Variants in PTK2B observed in about 807,000 individuals in gnomAD.
PTK2B encodes the protein protein tyrosine kinase 2 beta.
Under a neutral mutation model 142.9 loss-of-function variants are expected in PTK2B, and 71 were observed. That is an observed-to-expected ratio of 0.50 (90% CI 0.41 to 0.61). The LOEUF is 0.61. Among genes scored for constraint, PTK2B ranks in the 20% least tolerant of loss-of-function variants. The pLI is 0.00. For synonymous variants in PTK2B, 519 were observed against 503.4 expected (o/e 1.03, Z -0.42); for missense variants, 1,105 against 1,320.4 (o/e 0.84, Z 2.53).
At position 27,400,447 on chromosome 8, in the gene PTK2B, T is replaced by TAAA. The variant is rs61165579; in HGVS notation, c.204+2674_204+2676dup. Among the ~76,000 whole-genome samples, 9 of 136,776 alleles carry TAAA rather than the reference T, an allele frequency of 6.6e-5. No homozygotes were observed. The Admixed American group carries it at 6.7e-4, about 10-fold the overall frequency. The allele number at this position is 136,776 out of a possible 152,430, so 89.7% of individuals were successfully genotyped here. The stretch of plus-strand genomic sequence containing the variant: ...GACAGCAGAGAAAAAAGGATTGAAT[T>TAAA]AAAAAAAAAAAAAAAAACCTGGCCA... On this transcript the variant is annotated intron_variant, in intron 2 of 30. Transcript: ENST00000346049.
At chr8:27,353,573 A>G (rs1188081289) in intron 1 of PTK2B, among the ~76,000 whole-genome samples, 1 of 151,940 alleles carries the variant, frequency 6.6e-6, no homozygotes, top group East Asian at 1.9e-4. Context: ...ACACACACAC[A>G]TTGATCCTGT....
At chr8:27,443,855 G>A (rs1811307345) in intron 22 of PTK2B, among the ~76,000 whole-genome samples, 1 of 152,200 alleles carries the variant, frequency 6.6e-6, no homozygotes, top group African/African-American at 2.4e-5. Context: ...TGCAGCTTCT[G>A]TGAATGCCCA....
chr8:27,450,523 G>A (rs1421780227), intron 24 of PTK2B, among the ~76,000 whole-genome samples: 1 of 152,206 alleles, frequency 6.6e-6, no homozygotes, highest in Non-Finnish European at 1.5e-5. Context: ...TTGAGCAGTG[G>A]GTTCTTGGGT....
intron 1 of PTK2B, among the ~76,000 whole-genome samples, chr8:27,347,430 A>G (rs951779326): frequency 1.1e-4 from 16 of 152,196 alleles, no homozygotes; most frequent in Non-Finnish European, 2.2e-4. Context: ...ATCAGAAAGT[A>G]CCACAGACTG....
intron 27 of PTK2B, 96 bp from the exon 28 acceptor site, chr8:27,453,017 TG>T: frequency 7.2e-7 from 1 of 1,395,386 alleles, no homozygotes; most frequent in South Asian, 1.2e-5. Context: ...AGTCTCCTGG[TG>T]GTAGAGGGGA....
intron 13 of PTK2B, 144 bp from the exon 14 acceptor site, chr8:27,435,599 G>C: frequency 1.1e-6 from 1 of 935,590 alleles, no homozygotes; most frequent in East Asian, 2.6e-5. Flanking sequence ...TCTAAAACCT[G>C]GGCTGGGAGC....
At chr8:27,454,822 T>C (rs1294533692) in intron 30 of PTK2B, among the ~76,000 whole-genome samples, 1 of 152,160 alleles carries the variant, frequency 6.6e-6, no homozygotes, top group Non-Finnish European at 1.5e-5. Context: ...GATTTCCTAG[T>C]TCAGGTCTCC....
intron 19 of PTK2B, 70 bp downstream of exon 19, chr8:27,439,201 A>T (rs1810993856): frequency 6.4e-7 from 1 of 1,568,712 alleles, no homozygotes; most frequent in Non-Finnish European, 8.8e-7. Flanking sequence ...CAGAAGAAGG[A>T]AGTCTACAGT....
intron 1 of PTK2B, among the ~76,000 whole-genome samples, chr8:27,372,646 G>GC (rs1288068330): frequency 6.6e-6 from 1 of 152,176 alleles, no homozygotes; most frequent in Non-Finnish European, 1.5e-5. Context: ...GCCCAGTCAA[G>GC]TTGATACAGA....
At chr8:27,419,813 C>T in intron 2 of PTK2B, 82 bp from the exon 3 acceptor site, 2 of 1,460,488 alleles carry the variant, frequency 1.4e-6, no homozygotes, top group Non-Finnish European at 1.9e-6. Context: ...CCTAGAGAAT[C>T]CCACTTTTCA....
chr8:27,340,208 C>T (rs1302060253), intron 1 of PTK2B, among the ~76,000 whole-genome samples: 1 of 152,200 alleles, frequency 6.6e-6, no homozygotes, highest in Non-Finnish European at 1.5e-5. Flanking sequence ...TTCAGGCAGC[C>T]ACAGTGAGAC....
At chr8:27,430,542 C>A in intron 7 of PTK2B, 124 bp downstream of exon 7, 1 of 1,273,910 alleles carries the variant, frequency 7.8e-7, no homozygotes, top group Non-Finnish European at 1.1e-6. Context: ...GGCATTTGGA[C>A]ACAGGACCAC....
chr8:27,439,484 G>A (rs1811017718), intron 20 of PTK2B, 86 bp downstream of exon 20: 1 of 1,387,512 alleles, frequency 7.2e-7, no homozygotes, highest in East Asian at 2.3e-5. Flanking sequence ...GGGAGCAGGG[G>A]TCTGACCTCC....
At position 27,350,541 on chromosome 8, in the gene PTK2B, C is replaced by T. The variant is rs1238039787; in HGVS notation, c.-38+24860C>T. On this transcript the variant is annotated intron_variant, in intron 1 of 30. Coordinates refer to ENST00000346049, the MANE Select transcript of PTK2B (RefSeq NM_173176.3). ...CAGGGACCTTGCTGTTATACATTCT[C>T]CAGTCCCGTGACTTCAGGGCAAAGA... Among the ~76,000 whole-genome samples, 5 of 149,914 alleles carry T rather than the reference C, an allele frequency of 3.3e-5. No homozygotes were observed. In the South Asian group the frequency reaches 6.3e-4, roughly 19 times the overall value.
Position 27,440,307 on chromosome 8 carries a change from C to T in PTK2B, c.1905C>T (p.Ile635=), listed in dbSNP as rs1297144875. The change falls in exon 21 of 31, where the codon ATC becomes ATT. Residue 635 remains isoleucine, a synonymous_variant. Transcript: ENST00000346049. ...TCTGGCTGGAGAACAAGGATGTCAT[C>T]GGGGTGCTGGAGAAAGGAGACCGGC... is the stretch of plus-strand genomic sequence containing the variant. ...PFFWLENKDV[I]GVLEKGDRLP... The T allele has an allele frequency of 1.2e-5, 20 of 1,614,176 alleles. No individual in the cohort carries two copies. Among genetic ancestry groups the T allele is most frequent in the East Asian group, 2.2e-5 (1 of 44,880 alleles).
At chr8:27,450,005 A>G (rs7831523) in intron 24 of PTK2B, among the ~76,000 whole-genome samples, 60,275 of 152,100 alleles carry the variant, frequency 0.4, 12,286 homozygotes, top group South Asian at 0.45. Context: ...CTATGATTGC[A>G]TTTATCTTAT....
intron 2 of PTK2B, among the ~76,000 whole-genome samples, chr8:27,412,131 G>C (rs1397400810): frequency 2.0e-5 from 3 of 151,928 alleles, no homozygotes; most frequent in African/African-American, 7.3e-5. Flanking sequence ...TGGTGCCCAG[G>C]AATTTATTAG....
At chr8:27,452,875 C>T (rs1326984386) in intron 27 of PTK2B, 3 of 570,060 alleles carry the variant, frequency 5.3e-6, no homozygotes, top group Non-Finnish European at 9.4e-6. Context: ...GCAATCCCCC[C>T]ATCTTGCTGG....
chr8:27,437,674 A>G (rs541250427), intron 17 of PTK2B, 91 bp from the exon 18 acceptor site: 4 of 1,348,406 alleles, frequency 3.0e-6, no homozygotes, highest in Non-Finnish European at 4.1e-6. Context: ...CACCGCCCCC[A>G]GGGAAGGGTC....
Sources: gnomAD v4.1 joint callset for allele counts (sites outside exome capture counted in the v4.1 genomes callset) on GRCh38, gnomAD v4.1.1 for gene constraint, MANE v1.5 for transcripts, NCBI Gene and HGNC (gene_info 2026-07-23, HGNC 2026-07-21) for gene names.